Variants in SLC41A2 observed in about 807,000 individuals in gnomAD.
SLC41A2 encodes solute carrier family 41 member 2.
Under a neutral mutation model 58.3 loss-of-function variants are expected in SLC41A2, and 32 were observed. The observed-to-expected ratio is 0.55, with a 90% CI of 0.41 to 0.74. The LOEUF (loss-of-function observed/expected upper bound fraction) is 0.74. Ranked by LOEUF, SLC41A2 falls within the 30% of genes least tolerant of loss-of-function variation. SLC41A2 has a pLI of 0.00. For missense variants in SLC41A2, 514 were observed against 680.6 expected (o/e 0.76, Z 2.72); for synonymous variants, 190 against 235.0 (o/e 0.81, Z 1.75).
chr12:104,913,458 T>C (rs1015493364), intron 2 of SLC41A2, among the ~76,000 whole-genome samples: 3 of 152,170 alleles, frequency 2.0e-5, no homozygotes, highest in Admixed American at 2.0e-4. Context: ...CAGGATTCCT[T>C]CCTGGTAAGA....
rs533775642 is a variant in SLC41A2 at position 104,843,326 on chromosome 12, AAATT to A, written c.1536+1142_1536+1145del. 3.7e-3 allele frequency among the ~76,000 whole-genome samples: 569 copies of A among 152,076 alleles called. 2 individuals are homozygous for A. The highest frequency in any genetic ancestry group is 6.6e-3 in the Non-Finnish European group (450 of 67,878). On this transcript the variant is annotated intron_variant, in intron 10 of 10. Coordinates refer to ENST00000258538, the MANE Select transcript of SLC41A2 (RefSeq NM_001352171.3). ...TAGCATGAAGGTTTACTGGATGAAT[AAATT>A]AATTAATTATTCGATAGGTGACTTT...
At chr12:104,818,830 T>C (rs1198215970) in intron 10 of SLC41A2, among the ~76,000 whole-genome samples, 1 of 152,114 alleles carries the variant, frequency 6.6e-6, no homozygotes, top group Non-Finnish European at 1.5e-5. Context: ...TAAGCCAAGA[T>C]TGTGCCATTG....
At chr12:104,867,844 C>A (rs2043549182) in intron 6 of SLC41A2, among the ~76,000 whole-genome samples, 1 of 150,112 alleles carries the variant, frequency 6.7e-6, no homozygotes, top group South Asian at 2.1e-4. Context: ...ACTGAATTTT[C>A]TTTCTTTTGC....
chr12:104,817,295 G>A (rs1437787094), intron 10 of SLC41A2, among the ~76,000 whole-genome samples: 1 of 152,166 alleles, frequency 6.6e-6, no homozygotes, highest in Non-Finnish European at 1.5e-5. Context: ...GTTGCTTTGG[G>A]TGAGTCAGTG....
chr12:104,836,415 G>A (rs913816269), intron 10 of SLC41A2, among the ~76,000 whole-genome samples: 1 of 152,122 alleles, frequency 6.6e-6, no homozygotes, highest in Non-Finnish European at 1.5e-5. Context: ...TTGGAAAAGT[G>A]GCTCCAGTTC....
chr12:104,858,615 C>G (rs1036656748), intron 8 of SLC41A2, among the ~76,000 whole-genome samples: 2 of 152,144 alleles, frequency 1.3e-5, no homozygotes, highest in African/African-American at 4.8e-5. Context: ...AGTAAACCAT[C>G]TCTATTAATG....
intron 6 of SLC41A2, among the ~76,000 whole-genome samples, chr12:104,878,299 T>TTATATATATATATA (rs55670022): frequency 8.8e-4 from 123 of 139,890 alleles, no homozygotes; most frequent in East Asian, 2.3e-3. Flanking sequence ...TACCTGTATT[T>TTATATATATATATA]TATATATATA....
chr12:104,894,859 A>C (rs1326564826), intron 4 of SLC41A2, among the ~76,000 whole-genome samples: 2 of 152,178 alleles, frequency 1.3e-5, no homozygotes, highest in African/African-American at 4.8e-5. Flanking sequence ...GTAACTAACA[A>C]ATTAAGGAAA....
At chr12:104,913,882 G>C (rs1220279705) in intron 2 of SLC41A2, among the ~76,000 whole-genome samples, 1 of 152,086 alleles carries the variant, frequency 6.6e-6, no homozygotes, top group East Asian at 1.9e-4. Context: ...GACCAGCCTG[G>C]CCAATATGGT....
At chr12:104,817,771 T>C (rs2041472375) in intron 10 of SLC41A2, among the ~76,000 whole-genome samples, 1 of 151,660 alleles carries the variant, frequency 6.6e-6, no homozygotes, top group Non-Finnish European at 1.5e-5. Context: ...CCAGTGTAAC[T>C]GGGACACACT....
chr12:104,943,488 A>G (rs1296147908), intron 1 of SLC41A2, among the ~76,000 whole-genome samples: 5 of 152,220 alleles, frequency 3.3e-5, no homozygotes, highest in Non-Finnish European at 5.9e-5. Flanking sequence ...GTAAAGCTAC[A>G]AATGGTTCTT....
chr12:104,874,773 G>A (rs1173348253), intron 6 of SLC41A2, among the ~76,000 whole-genome samples: 3 of 152,198 alleles, frequency 2.0e-5, no homozygotes, highest in Non-Finnish European at 2.9e-5. Context: ...TTGAAATCAG[G>A]AAGTGTGATG....
intron 10 of SLC41A2, among the ~76,000 whole-genome samples, chr12:104,835,766 A>G (rs2136296606): frequency 6.6e-6 from 1 of 152,294 alleles, no homozygotes; most frequent in South Asian, 2.1e-4. Flanking sequence ...AGATCTAATG[A>G]AACCACAGAG....
chr12:104,931,961 T>C (rs958570323), intron 1 of SLC41A2, among the ~76,000 whole-genome samples: 22 of 152,256 alleles, frequency 1.4e-4, no homozygotes, highest in Admixed American at 1.4e-3. Flanking sequence ...TCCTAACAGC[T>C]GTTTTTGTTT....
rs902483283 is a variant in SLC41A2, at chr12:104,892,497, GA to G, written c.735+2776del. On this transcript the variant is annotated intron_variant, in intron 4 of 10. Coordinates refer to ENST00000258538, the MANE Select transcript of SLC41A2 (RefSeq NM_001352171.3). ...GCCAATGACATTCTTCACAGAAATA[GA>G]AAAAAAAAATCTTAACATTTATGTG... 1.3e-4 allele frequency among the ~76,000 whole-genome samples: 19 copies of G among 147,624 alleles called. No homozygotes were observed. The South Asian group carries it at 3.2e-3, about 25-fold the overall frequency.
chr12:104,950,835 G>A (rs3890816), intron 1 of SLC41A2, among the ~76,000 whole-genome samples: 65,398 of 151,928 alleles, frequency 0.43, 14,825 homozygotes, highest in South Asian at 0.64. Context: ...ACTCCTTCTC[G>A]GTTTAAAAAC....
chr12:104,810,247 T>TA (rs2041112493), intron 10 of SLC41A2, among the ~76,000 whole-genome samples: 1 of 152,110 alleles, frequency 6.6e-6, no homozygotes, highest in Non-Finnish European at 1.5e-5. Flanking sequence ...AACTCAAAAT[T>TA]ACTGAAGTAT....
chr12:104,924,942 T>C (rs1266666712), intron 2 of SLC41A2, among the ~76,000 whole-genome samples: 2 of 152,136 alleles, frequency 1.3e-5, no homozygotes, highest in Non-Finnish European at 2.9e-5. Flanking sequence ...ACTTCCATTA[T>C]ATAGTTTAAA....
chr12:104,904,930 C>T (rs2135752673), intron 3 of SLC41A2, among the ~76,000 whole-genome samples: 1 of 152,214 alleles, frequency 6.6e-6, no homozygotes, highest in East Asian at 1.9e-4. Flanking sequence ...TGGAAGGGGA[C>T]CCAAGCGGGT....
Sources: gnomAD v4.1 joint callset for allele counts (sites outside exome capture counted in the v4.1 genomes callset) on GRCh38, gnomAD v4.1.1 for gene constraint, MANE v1.5 for transcripts, NCBI Gene and HGNC (gene_info 2026-07-23, HGNC 2026-07-21) for gene names.